CCDC73: variants seen among roughly 807,000 people sequenced by gnomAD.
CCDC73 encodes coiled-coil domain containing 73, also known as coiled-coil domain-containing protein 73.
In CCDC73, 95 loss-of-function variants were observed where a neutral mutation model predicts 116.5. The observed-to-expected ratio is 0.82, with a 90% CI of 0.69 to 0.97. The LOEUF (loss-of-function observed/expected upper bound fraction) is 0.97, where lower values mean the gene tolerates loss of function less well. CCDC73 is among the 50% of genes least tolerant of loss of function. CCDC73 has a pLI of 0.00. For missense variants in CCDC73, 1,066 were observed against 1,206.8 expected, an observed-to-expected ratio of 0.88 and a Z score of 1.73; for synonymous variants, 398 against 401.3, an observed-to-expected ratio of 0.99 and a Z score of 0.10.
At chr11:32,755,481 C>G (rs1590631340) in intron 2 of CCDC73, among the ~76,000 whole-genome samples, 1 of 144,996 alleles carries the variant, frequency 6.9e-6, no homozygotes, top group East Asian at 2.1e-4. Context: ...TTGCAGTGAG[C>G]TGAGATCGTG....
At chr11:32,807,384 T>C in the CCDC73 span, among the ~76,000 whole-genome samples, 1 of 152,134 alleles carries the variant, frequency 6.6e-6, no homozygotes, top group Non-Finnish European at 1.5e-5. Flanking sequence ...ATGGAAAACA[T>C]TCTGAAATTC....
intron 2 of CCDC73, among the ~76,000 whole-genome samples, chr11:32,741,913 G>C (rs975240001): frequency 4.6e-5 from 7 of 152,008 alleles, no homozygotes; most frequent in Admixed American, 2.6e-4. Flanking sequence ...GTGGTGTTTG[G>C]TTTTCTGATC....
intron 2 of CCDC73, among the ~76,000 whole-genome samples, chr11:32,759,144 T>C (rs1459887100): frequency 1.3e-5 from 2 of 151,996 alleles, no homozygotes; most frequent in African/African-American, 2.4e-5. Context: ...ATATATGTCC[T>C]AGTGAACTCA....
intron 6 of CCDC73, among the ~76,000 whole-genome samples, chr11:32,686,102 A>C (rs1295291543): frequency 6.6e-6 from 1 of 150,508 alleles, no homozygotes; most frequent in African/African-American, 2.4e-5. Context: ...CCACTTAATA[A>C]GCTACTGCAA....
At chr11:32,674,667 G>A (rs1170734202) in intron 9 of CCDC73, among the ~76,000 whole-genome samples, 1 of 142,326 alleles carries the variant, frequency 7.0e-6, no homozygotes, top group East Asian at 2.2e-4. Flanking sequence ...GCCTATTGTA[G>A]GCTGACTGCC....
intron 12 of CCDC73, among the ~76,000 whole-genome samples, chr11:32,646,718 T>C (rs1855782290): frequency 6.6e-6 from 1 of 152,200 alleles, no homozygotes; most frequent in Non-Finnish European, 1.5e-5. Flanking sequence ...AACTTACATC[T>C]GTCAGGCCTG....
the CCDC73 span, chr11:32,830,279 GA>G: frequency 1.1e-6 from 1 of 931,832 alleles, no homozygotes; most frequent in Non-Finnish European, 1.4e-6. Context: ...TGCCCGCGGC[GA>G]CAGGTGCCCG....
chr11:32,807,397 G>A, the CCDC73 span, among the ~76,000 whole-genome samples: 1 of 152,126 alleles, frequency 6.6e-6, no homozygotes, highest in South Asian at 2.1e-4. Flanking sequence ...TGAAATTCAA[G>A]AGTAAGAGCT....
rs192089106 is a variant in CCDC73, at chr11:32,784,191, G to A, written c.-16+10422C>T. 5.9e-5 allele frequency among the ~76,000 whole-genome samples: 9 copies of A among 152,172 alleles called. No homozygotes were observed. The South Asian group carries it at 6.2e-4, about 11-fold the overall frequency. On this transcript the variant is annotated intron_variant, in intron 1 of 17. Coordinates refer to ENST00000335185, the MANE Select transcript of CCDC73 (RefSeq NM_001008391.4). Reference sequence around the variant, plus strand: ...CTAAAAGATACAAAATTAGCCGGGCGTCGTGGTGCATGCCTGTAATCCCAG... The same window carrying A: ...CTAAAAGATACAAAATTAGCCGGGCATCGTGGTGCATGCCTGTAATCCCAG...
chr11:32,791,505 A>G (rs1850676571), intron 1 of CCDC73, among the ~76,000 whole-genome samples: 2 of 152,216 alleles, frequency 1.3e-5, no homozygotes, highest in African/African-American at 4.8e-5. Flanking sequence ...ATCTTGAAAC[A>G]CTTTTTTTCA....
intron 9 of CCDC73, among the ~76,000 whole-genome samples, chr11:32,663,092 C>G (rs1417492300): frequency 1.3e-5 from 2 of 152,186 alleles, no homozygotes; most frequent in Middle Eastern, 3.4e-3. Context: ...TTACTGTAGC[C>G]TTGTAGTATA....
chr11:32,619,876 A>AGGGGGAGGGGAAGG (rs1855508172), intron 14 of CCDC73, among the ~76,000 whole-genome samples: 1 of 43,212 alleles, frequency 2.3e-5, no homozygotes, highest in Non-Finnish European at 4.2e-5. Context: ...GAGAAGGAGG[A>AGGGGGAGGGGAAGG]GGGGGAGGGG....
At chr11:32,675,766 A>C in intron 8 of CCDC73, 120 bp downstream of exon 8, 1 of 1,190,542 alleles carries the variant, frequency 8.4e-7, no homozygotes, top group Non-Finnish European at 1.2e-6. Flanking sequence ...TTTAGGTAAC[A>C]GTTATTAACT....
intron 1 of CCDC73, among the ~76,000 whole-genome samples, chr11:32,765,972 C>G (rs530719473): frequency 6.6e-6 from 1 of 152,170 alleles, no homozygotes; most frequent in African/African-American, 2.4e-5. Context: ...CCAGCATCAT[C>G]CTGATACCAA....
the CCDC73 span, among the ~76,000 whole-genome samples, chr11:32,800,931 A>G: frequency 0.049 from 7,456 of 152,314 alleles, 199 homozygotes; most frequent in African/African-American, 0.068. Context: ...TGAGTTGTCA[A>G]TAAAGTTATT....
intron 6 of CCDC73, among the ~76,000 whole-genome samples, chr11:32,690,157 G>A (rs1856241598): frequency 6.6e-6 from 1 of 152,038 alleles, no homozygotes; most frequent in African/African-American, 2.4e-5. Flanking sequence ...TACTTGAAGT[G>A]ATAATGACTT....
rs770628350 is a variant in CCDC73, at chr11:32,653,077, C to T, written c.939+46G>A. 4.3e-6 allele frequency: 5 copies of T among 1,157,866 alleles called. No homozygotes were observed. The African/African-American group carries it at 7.7e-5, about 18-fold the overall frequency. The allele number at this position is 1,157,866 out of a possible 1,614,324, so 71.7% of individuals were successfully genotyped here. ...CAGGAAGTTAATTAGTGAAAATATACTAAAACACAGATAGATAGACAGACA... is the reference window on the plus strand; with the variant it reads ...CAGGAAGTTAATTAGTGAAAATATATTAAAACACAGATAGATAGACAGACA... On this transcript the variant is annotated intron_variant, in intron 12 of 17. Transcript: ENST00000335185.
At chr11:32,619,446 G>C (rs1349573567) in intron 14 of CCDC73, among the ~76,000 whole-genome samples, 1 of 152,148 alleles carries the variant, frequency 6.6e-6, no homozygotes, top group East Asian at 1.9e-4. Flanking sequence ...TGAGATGAGA[G>C]GACTACTTGA....
intron 1 of CCDC73, among the ~76,000 whole-genome samples, chr11:32,787,202 G>A (rs187422007): frequency 3.7e-4 from 56 of 152,280 alleles, no homozygotes; most frequent in Non-Finnish European, 6.8e-4. Flanking sequence ...ATACAGTGTG[G>A]TAATGTAATG....
Sources: gnomAD v4.1 joint callset for allele counts (sites outside exome capture counted in the v4.1 genomes callset) on GRCh38, gnomAD v4.1.1 for gene constraint, MANE v1.5 for transcripts, NCBI Gene and HGNC (gene_info 2026-07-23, HGNC 2026-07-21) for gene names.